The following CEP104 variants were observed in gnomAD, a reference collection of about 807,000 sequenced individuals.
The protein encoded by CEP104 is centrosomal protein 104, also known as centrosomal protein of 104 kDa.
In CEP104, 84 loss-of-function variants were observed where a neutral mutation model predicts 113.3. That is an observed-to-expected ratio of 0.74 (90% CI 0.62 to 0.89). The LOEUF is 0.89. CEP104 is among the 40% of genes least tolerant of loss of function. The probability of loss-of-function intolerance (pLI) is 0.00; values close to 1 mark genes in which losing one functional copy is unlikely to be tolerated. For synonymous variants in CEP104, 378 were observed against 421.7 expected (o/e 0.90, Z 1.27); for missense variants, 1,053 against 1,156.6 (o/e 0.91, Z 1.30).
intron 10 of CEP104, among the ~76,000 whole-genome samples, chr1:3,836,002 T>C (rs1644301175): frequency 1.3e-5 from 1 of 77,392 alleles, no homozygotes; most frequent in Non-Finnish European, 2.9e-5. Context: ...ACACTCTGTT[T>C]CATAAAAAAA....
At position 3,837,509 on chromosome 1, in the gene CEP104, G is replaced by T. The variant is rs753516570; in HGVS notation, c.902C>A (p.Pro301His). 6 of 1,614,178 alleles carry T rather than the reference G, an allele frequency of 3.7e-6. No individual in the cohort carries two copies. The highest frequency in any genetic ancestry group is 1.1e-5 in the South Asian group (1 of 91,076). Reference protein sequence around the residue: ...SLLDAELMRRPFDLPLQPLAR... With the variant: ...SLLDAELMRRHFDLPLQPLAR... ...GAGGGGCTGGAGGGGCAAATCAAAA[G>T]GTCTTCGCATCTAGAGAACAAAAAG... Residue 301 changes from proline to histidine, a missense_variant, in exon 9 of 22, where the codon CCT becomes CAT. By Grantham distance (77) the Pro-to-His change is moderately conservative. Transcript: ENST00000378230.
Position 3,848,678 on chromosome 1 carries a change from C to T in CEP104, c.217G>A (p.Glu73Lys). The T allele has an allele frequency of 6.2e-7, 1 of 1,613,918 alleles. No individual in the cohort carries two copies. The highest frequency in any genetic ancestry group is 1.1e-5 in the South Asian group (1 of 91,062). ...GGCAAGCTTTCACTAATGTAGAACT[C>T]AATTTTACTTGAAATCATATACTGG... Reference protein sequence around the residue: ...AHQYMISSKIEFYISESLPEY... With the variant: ...AHQYMISSKIKFYISESLPEY... Residue 73 changes from glutamate to lysine, a missense_variant, in exon 3 of 22, where the codon GAG becomes AAG. By Grantham distance (56) the Glu-to-Lys change is moderately conservative. Transcript: ENST00000378230.
At chr1:3,830,052 C>A in intron 13 of CEP104, 55 bp from the exon 14 acceptor site, 1 of 1,305,800 alleles carries the variant, frequency 7.7e-7, no homozygotes, top group Admixed American at 1.8e-5. Flanking sequence ...TAATTTCTTC[C>A]AGCTTACAAA....
intron 20 of CEP104, among the ~76,000 whole-genome samples, chr1:3,817,670 C>G (rs1643900701): frequency 6.6e-6 from 1 of 152,208 alleles, no homozygotes; most frequent in Admixed American, 6.5e-5. Context: ...TTGCTTCCCC[C>G]TCCCCCGTGG....
Position 3,824,657 on chromosome 1 carries a change from G to A in CEP104, c.2365-1095C>T, listed in dbSNP as rs550997510. ...ATCAATAAAAACAGATGGACAACCC[G>A]AGGGAAACCGGTGAGAAACCAGGTG... is the stretch of plus-strand genomic sequence containing the variant. On this transcript the variant is annotated intron_variant, in intron 18 of 21. Coordinates refer to ENST00000378230, the MANE Select transcript of CEP104 (RefSeq NM_014704.4). 3.3e-5 allele frequency among the ~76,000 whole-genome samples: 5 copies of A among 152,306 alleles called. No homozygotes were observed. The East Asian group carries it at 7.7e-4, about 24-fold the overall frequency.
At chr1:3,839,982 G>T (rs747868008) in intron 6 of CEP104, among the ~76,000 whole-genome samples, 1 of 152,164 alleles carries the variant, frequency 6.6e-6, no homozygotes, top group Non-Finnish European at 1.5e-5. Flanking sequence ...TGACTCCAAA[G>T]CTCACGCTCT....
intron 2 of CEP104, among the ~76,000 whole-genome samples, chr1:3,849,115 G>T (rs1644564216): frequency 6.6e-6 from 1 of 152,048 alleles, no homozygotes. Context: ...TGGGCAGGAC[G>T]GAGCCAAAGG....
intron 20 of CEP104, 43 bp from the exon 21 acceptor site, chr1:3,816,413 G>C: frequency 6.8e-7 from 1 of 1,470,214 alleles, no homozygotes; most frequent in Non-Finnish European, 9.2e-7. Context: ...AGGCGAGACG[G>C]ACCTGGCACG....
rs774502989 is a variant in CEP104, at chr1:3,815,466, C to G, written c.2714G>C (p.Ser905Thr). The change falls in exon 22 of 22, where the codon AGC (serine) becomes ACC (threonine). Residue 905 changes from serine (S) to threonine (T), a missense_variant. Physicochemically the swap from Ser to Thr is moderately conservative, Grantham distance 58. Coordinates refer to ENST00000378230, the MANE Select transcript of CEP104 (RefSeq NM_014704.4). ...TCCGCCCTTCGGGGTGGGGATCTTG[C>G]TTCCGGCCTTTGACCCCAAGGGGCC... ...ASGPLGSKAG[S>T]KIPTPKGGLS... 6 of 1,612,918 alleles carry G rather than the reference C, an allele frequency of 3.7e-6. No individual in the cohort carries two copies. Among genetic ancestry groups the G allele is most frequent in the Non-Finnish European group, 4.2e-6 (5 of 1,179,684 alleles).
rs1644196353 is a variant in CEP104, at chr1:3,831,033, G to A, written c.1836+13C>T. 8.1e-6 allele frequency: 13 copies of A among 1,610,084 alleles called. No homozygotes were observed. Among genetic ancestry groups the A allele is most frequent in the African/African-American group, 5.3e-5 (4 of 74,986 alleles). On this transcript the variant is annotated intron_variant, in intron 13 of 21. Transcript: ENST00000378230. ...CTGGGCCGCGTGGTGTGTCACACGC[G>A]AGGTCTGCTTACCTTCATCACGTTG...
chr1:3,827,804 G>A (rs12740589), intron 15 of CEP104, among the ~76,000 whole-genome samples: 24,271 of 152,214 alleles, frequency 0.16, 2,220 homozygotes, highest in African/African-American at 0.24. Flanking sequence ...CCAGCACCCC[G>A]CAGCACAGAC....
intron 13 of CEP104, among the ~76,000 whole-genome samples, chr1:3,830,312 G>C (rs924923428): frequency 6.6e-6 from 1 of 152,016 alleles, no homozygotes; most frequent in Admixed American, 6.5e-5. Context: ...CTGCGTAGCC[G>C]ATGTGCAGAT....
chr1:3,844,936 C>T lies in CEP104; in HGVS notation c.537G>A (p.Glu179=). Residue 179 remains glutamate, a synonymous_variant, in exon 6 of 22, where the codon GAG becomes GAA. Transcript: ENST00000378230. ...CGTACGTTCCTTCTAGAGCAGGGTC[C>T]TCGCTGTTGTGCCCAAGGTAGTGGT... The part of the protein sequence containing the change: ...LIDHYLGHNS[E]DPALEGTYAR... 1 of 1,614,092 alleles carries T rather than the reference C, an allele frequency of 6.2e-7. No homozygotes were observed. The highest frequency in any genetic ancestry group is 8.5e-7 in the Non-Finnish European group (1 of 1,179,992).
rs571804006 is a variant in CEP104 at position 3,829,320 on chromosome 1, T to C, written c.2097A>G (p.Ile699Met). ...CTGCCAGCTGCCCTTGTAAAGCTTTTATTTCTTCTTTCTTTTGTTTTTCTG... is the reference window on the plus strand; with the variant it reads ...CTGCCAGCTGCCCTTGTAAAGCTTTCATTTCTTCTTTCTTTTGTTTTTCTG... ...EEAEKQKKEE[I>M]KALQGQLAAL... Residue 699 changes from isoleucine to methionine, a missense_variant, in exon 15 of 22, where the codon ATA (isoleucine) becomes ATG (methionine). Coordinates refer to ENST00000378230, the MANE Select transcript of CEP104 (RefSeq NM_014704.4). 6.2e-7 allele frequency: 1 copy of C among 1,602,266 alleles called. No individual in the cohort carries two copies. The highest frequency in any genetic ancestry group is 2.2e-5 in the East Asian group (1 of 44,676).
At chr1:3,828,049 A>G (rs1644126793) in intron 15 of CEP104, among the ~76,000 whole-genome samples, 1 of 151,900 alleles carries the variant, frequency 6.6e-6, no homozygotes, top group Non-Finnish European at 1.5e-5. Context: ...CTGTGTGCCC[A>G]TGAGCATAGG....
chr1:3,816,567 A>C, intron 20 of CEP104, 197 bp from the exon 21 acceptor site: 1 of 501,360 alleles, frequency 2.0e-6, no homozygotes, highest in Non-Finnish European at 3.5e-6. Flanking sequence ...GCAGGGTACA[A>C]CTCAGGAAGC....
intron 8 of CEP104, among the ~76,000 whole-genome samples, chr1:3,838,223 G>A (rs1644351349): frequency 6.6e-6 from 1 of 152,164 alleles, no homozygotes; most frequent in African/African-American, 2.4e-5. Flanking sequence ...TGCGATCGTA[G>A]CTCACTGCAG....
intron 16 of CEP104, 43 bp from the exon 17 acceptor site, chr1:3,826,479 A>G: frequency 6.5e-7 from 1 of 1,549,942 alleles, no homozygotes; most frequent in East Asian, 2.4e-5. Flanking sequence ...TATAGAAATT[A>G]TTTTCAAAAT....
intron 1 of CEP104, among the ~76,000 whole-genome samples, chr1:3,854,151 T>C (rs1644666950): frequency 6.6e-6 from 1 of 152,144 alleles, no homozygotes; most frequent in Non-Finnish European, 1.5e-5. Context: ...CATCCAACAG[T>C]GTGCCAGGTC....
Sources: gnomAD v4.1 joint callset for allele counts (sites outside exome capture counted in the v4.1 genomes callset) on GRCh38, gnomAD v4.1.1 for gene constraint, MANE v1.5 for transcripts, NCBI Gene and HGNC (gene_info 2026-07-23, HGNC 2026-07-21) for gene names.